The following GRB10 variants were observed in gnomAD, a reference collection of about 807,000 sequenced individuals.
The protein encoded by GRB10 is growth factor receptor bound protein 10.
A neutral mutation model predicts 80.9 loss-of-function variants in GRB10; 20 were observed. The ratio of observed to expected loss-of-function variants is 0.25; its 90% confidence interval spans 0.17 to 0.36. The LOEUF is 0.36. Among genes scored for constraint, GRB10 ranks in the 10% least tolerant of loss-of-function variants. The pLI, the probability that GRB10 is intolerant of heterozygous loss-of-function variation, is 1.00. For synonymous variants in GRB10, 291 were observed against 291.5 expected (o/e 1.00, Z 0.02); for missense variants, 548 against 747.7 (o/e 0.73, Z 3.12).
In GRB10 at chr7:50,729,889, G is replaced by T. The variant is rs137930459; in HGVS notation, c.51+2383C>A. ...CAAAGATCTGTCTGCCGAGCTCAAA[G>T]CTGGCTCCCTAGCCCAAAACATGTG... On this transcript the variant is annotated intron_variant, in intron 4 of 18. Coordinates refer to ENST00000401949, the MANE Select transcript of GRB10 (RefSeq NM_001350814.2). Among the ~76,000 whole-genome samples the T allele has an allele frequency of 2.4e-4, 36 of 152,302 alleles. 1 individual carries two copies. The highest frequency in any genetic ancestry group is 1.2e-3 in the Admixed American group (18 of 15,296).
chr7:50,669,199 G>C (rs543392899), intron 7 of GRB10, among the ~76,000 whole-genome samples: 1 of 152,176 alleles, frequency 6.6e-6, no homozygotes, highest in Non-Finnish European at 1.5e-5. Flanking sequence ...AAAATATAAA[G>C]ATAAAACAGA....
At chr7:50,688,469 A>G (rs2062374432) in intron 5 of GRB10, among the ~76,000 whole-genome samples, 1 of 152,202 alleles carries the variant, frequency 6.6e-6, no homozygotes, top group African/African-American at 2.4e-5. Context: ...AGAATGAGAG[A>G]AACTTAAACA....
At chr7:50,639,374 C>A (rs1226205174) in intron 7 of GRB10, among the ~76,000 whole-genome samples, 2 of 152,160 alleles carry the variant, frequency 1.3e-5, no homozygotes, top group Admixed American at 1.3e-4. Flanking sequence ...CTAAAGAGTT[C>A]TTGAAAGTCA....
chr7:50,755,626 C>T (rs367964184), intron 3 of GRB10, among the ~76,000 whole-genome samples: 4 of 152,230 alleles, frequency 2.6e-5, no homozygotes, highest in East Asian at 3.9e-4. Context: ...GGAGAGTGTG[C>T]GCAGCCCGGC....
chr7:50,727,529 A>T (rs2068847240), intron 4 of GRB10, among the ~76,000 whole-genome samples: 1 of 152,246 alleles, frequency 6.6e-6, no homozygotes, highest in Admixed American at 6.5e-5. Context: ...TTAGTTACAG[A>T]AAGTGTAAAC....
chr7:50,758,691 A>C (rs1296204845), intron 2 of GRB10, among the ~76,000 whole-genome samples: 2 of 152,208 alleles, frequency 1.3e-5, no homozygotes, highest in African/African-American at 4.8e-5. Flanking sequence ...TTAGTTAAAC[A>C]AAAAAATTAA....
At chr7:50,668,602 TAAATAAACAAA>T (rs1182473095) in intron 7 of GRB10, among the ~76,000 whole-genome samples, 1 of 152,038 alleles carries the variant, frequency 6.6e-6, no homozygotes, top group Non-Finnish European at 1.5e-5. Context: ...AATGAACATA[TAAATAAACAAA>T]AAATAAACAT....
chr7:50,756,308 A>G (rs116930738), intron 2 of GRB10, among the ~76,000 whole-genome samples: 1,810 of 152,310 alleles, frequency 0.012, 20 homozygotes, highest in Non-Finnish European at 0.019. Context: ...CTGCCCACAC[A>G]TCTCTGCGTC....
chr7:50,673,857 T>G (rs184245701), intron 6 of GRB10, among the ~76,000 whole-genome samples: 203 of 152,296 alleles, frequency 1.3e-3, no homozygotes, highest in Non-Finnish European at 2.4e-3. Context: ...CCTCCATCTA[T>G]CTGAGCTCCT....
chr7:50,684,944 A>G (rs1303914372), intron 5 of GRB10, among the ~76,000 whole-genome samples: 1 of 152,230 alleles, frequency 6.6e-6, no homozygotes, highest in African/African-American at 2.4e-5. Flanking sequence ...CATGAACCCT[A>G]AAAATATTAG....
At position 50,685,644 on chromosome 7, in the gene GRB10, A is replaced by T. The variant is rs2237486; in HGVS notation, c.140-10986T>A. ...TTATAAAAGTATCCCAGAGGCCAGA[A>T]ATTCTCCTAGGATGGTTATGCACAC... On this transcript the variant is annotated intron_variant, in intron 5 of 18. Coordinates refer to ENST00000401949, the MANE Select transcript of GRB10 (RefSeq NM_001350814.2). Among the ~76,000 whole-genome samples, 616 of 152,266 alleles carry T rather than the reference A, an allele frequency of 4.0e-3. 12 individuals are homozygous for T. In the East Asian group the frequency reaches 0.073, roughly 18 times the overall value.
intron 2 of GRB10, among the ~76,000 whole-genome samples, chr7:50,770,330 T>A (rs1223961280): frequency 6.6e-6 from 1 of 152,248 alleles, no homozygotes; most frequent in African/African-American, 2.4e-5. Context: ...AAGATCTCTC[T>A]GAGGCCTAAG....
upstream of GRB10, among the ~76,000 whole-genome samples, chr7:50,786,137 T>C (rs560831886): frequency 6.6e-6 from 1 of 151,708 alleles, no homozygotes; most frequent in South Asian, 2.1e-4. Context: ...AAAATGAAAA[T>C]AGAAACAAAA....
At chr7:50,792,368 G>A in intron 1 of GRB10, 1 of 397,272 alleles carries the variant, frequency 2.5e-6, no homozygotes. Flanking sequence ...ACGTTTCGGT[G>A]AAAGCAAACC....
At chr7:50,673,452 C>A (rs2060569681) in intron 6 of GRB10, among the ~76,000 whole-genome samples, 1 of 152,152 alleles carries the variant, frequency 6.6e-6, no homozygotes, top group African/African-American at 2.4e-5. Context: ...AGACACCCTC[C>A]TCCCAGGCAC....
intron 2 of GRB10, among the ~76,000 whole-genome samples, chr7:50,764,392 G>T (rs1235584852): frequency 6.6e-6 from 1 of 152,192 alleles, no homozygotes; most frequent in East Asian, 1.9e-4. Context: ...AACTCTATCT[G>T]TCCTGACTAC....
intron 5 of GRB10, among the ~76,000 whole-genome samples, chr7:50,691,857 C>A (rs985987939): frequency 6.6e-6 from 1 of 152,080 alleles, no homozygotes; most frequent in African/African-American, 2.4e-5. Context: ...AGTGTGCAAC[C>A]GGAGACCAAC....
At chr7:50,784,942 C>T (rs1188167235), upstream of GRB10, among the ~76,000 whole-genome samples, 1 of 152,208 alleles carries the variant, frequency 6.6e-6, no homozygotes, top group Non-Finnish European at 1.5e-5. Context: ...CATTTCATCC[C>T]GGGTCCTCTC....
chr7:50,701,659 C>T (rs78110075), intron 5 of GRB10, among the ~76,000 whole-genome samples: 1 of 152,188 alleles, frequency 6.6e-6, no homozygotes, highest in Admixed American at 6.5e-5. Context: ...TCAATCTTTG[C>T]CTGAGAAAGC....
Sources: gnomAD v4.1 joint callset for allele counts (sites outside exome capture counted in the v4.1 genomes callset) on GRCh38, gnomAD v4.1.1 for gene constraint, MANE v1.5 for transcripts, NCBI Gene and HGNC (gene_info 2026-07-23, HGNC 2026-07-21) for gene names.